Variants in SRGAP2B observed in about 807,000 individuals in gnomAD.
SRGAP2B encodes the protein SLIT-ROBO Rho GTPase activating protein 2B, also known as SLIT-ROBO Rho GTPase-activating protein 2B.
SRGAP2B carries 9 observed loss-of-function variants against 22.2 expected under a neutral mutation model. The ratio of observed to expected loss-of-function variants is 0.41; its 90% CI spans 0.24 to 0.71. SRGAP2B has a LOEUF of 0.71. Ranked by LOEUF, SRGAP2B falls within the 30% of genes least tolerant of loss-of-function variation. SRGAP2B has a pLI of 0.35. For synonymous variants in SRGAP2B, 36 were observed against 87.4 expected, an observed-to-expected ratio of 0.41 and a Z score of 3.28; for missense variants, 114 against 235.8, an observed-to-expected ratio of 0.48 and a Z score of 3.38.
chr1:144,927,544 C>CT (rs1664829972), intron 4 of SRGAP2B, among the ~76,000 whole-genome samples: 1 of 148,844 alleles, frequency 6.7e-6, no homozygotes, highest in Admixed American at 6.7e-5. Context: ...GATAATACGT[C>CT]TTTTTTACCT....
At chr1:144,932,591 T>C (rs1371107176) in intron 4 of SRGAP2B, among the ~76,000 whole-genome samples, 1 of 145,306 alleles carries the variant, frequency 6.9e-6, no homozygotes, top group African/African-American at 2.7e-5. Flanking sequence ...TAATTTTTAG[T>C]TAACCCTAAA....
intron 3 of SRGAP2B, among the ~76,000 whole-genome samples, chr1:144,976,127 G>T (rs868946514): frequency 1.4e-5 from 2 of 147,188 alleles, no homozygotes; most frequent in Admixed American, 6.7e-5. Flanking sequence ...TGATCGGCCC[G>T]CCTCGGCCTC....
At chr1:144,987,890 G>T (rs188201980) in intron 3 of SRGAP2B, among the ~76,000 whole-genome samples, 2,167 of 151,050 alleles carry the variant, frequency 0.014, 49 homozygotes, top group Middle Eastern at 0.055. Context: ...AGAAGTAGAG[G>T]TCTCATCACT....
chr1:145,075,809 C>T (rs1170861904), intron 2 of SRGAP2B, among the ~76,000 whole-genome samples: 1 of 148,458 alleles, frequency 6.7e-6, no homozygotes, highest in Non-Finnish European at 1.5e-5. Flanking sequence ...ACTCTGAGGC[C>T]GGGCACGGTG....
chr1:144,913,694 CA>C (rs1175938638), intron 5 of SRGAP2B, among the ~76,000 whole-genome samples: 1 of 103,234 alleles, frequency 9.7e-6, no homozygotes, highest in Non-Finnish European at 1.9e-5. Context: ...GGATCAGCAA[CA>C]TCTGATCCCA....
rs9439290 is a variant in SRGAP2B at position 144,970,022 on chromosome 1, A to C, written c.261-14421T>G. On this transcript the variant is annotated intron_variant, in intron 3 of 9. Transcript: ENST00000612199. ...ACAGGTGCTGGAGAGGATGTGGAGA[A>C]ATACAAACACTTTTACACTGTTGGT... Among the ~76,000 whole-genome samples, 640 of 150,396 alleles carry C rather than the reference A, an allele frequency of 4.3e-3. 38 individuals carry two copies. The highest frequency in any genetic ancestry group is 0.015 in the African/African-American group (621 of 40,072).
At chr1:145,012,124 T>C (rs2102244349) in intron 2 of SRGAP2B, among the ~76,000 whole-genome samples, 1 of 148,862 alleles carries the variant, frequency 6.7e-6, no homozygotes, top group African/African-American at 2.6e-5. Flanking sequence ...TGCTCTTACC[T>C]CATTTTAATT....
chr1:144,962,981 C>T lies in SRGAP2B; in HGVS notation c.261-7380G>A, dbSNP rs59929387. On this transcript the variant is annotated intron_variant, in intron 3 of 9. Coordinates refer to ENST00000612199, the Ensembl canonical transcript of SRGAP2B. ...CTCCTAAACTGTGCATCAGCCACAA[C>T]CCACATCTTATCCTGGTCTTGTGGC... 6.0e-5 allele frequency among the ~76,000 whole-genome samples: 9 copies of T among 151,066 alleles called. No homozygotes were observed. In the East Asian group the frequency reaches 1.6e-3, roughly 26 times the overall value.
chr1:144,962,132 G>A (rs1303031889), intron 3 of SRGAP2B, among the ~76,000 whole-genome samples: 4 of 102,062 alleles, frequency 3.9e-5, no homozygotes, highest in East Asian at 2.4e-4. Flanking sequence ...AGTGCCAAAG[G>A]CAAAAATAAT....
At chr1:144,945,231 CA>C (rs1241662630) in intron 4 of SRGAP2B, among the ~76,000 whole-genome samples, 2 of 146,396 alleles carry the variant, frequency 1.4e-5, no homozygotes, top group African/African-American at 5.2e-5. Context: ...AAATATTTGC[CA>C]AAAATTTTTC....
chr1:144,994,798 T>A (rs1475824537), intron 3 of SRGAP2B, among the ~76,000 whole-genome samples: 1 of 150,344 alleles, frequency 6.7e-6, no homozygotes, highest in Non-Finnish European at 1.5e-5. Flanking sequence ...GCTGTTATTA[T>A]TAGCATGGTT....
At chr1:145,022,785 T>C (rs1450216572) in intron 2 of SRGAP2B, among the ~76,000 whole-genome samples, 3 of 149,200 alleles carry the variant, frequency 2.0e-5, no homozygotes, top group African/African-American at 7.6e-5. Context: ...TGATGGCATT[T>C]TCACCTCACT....
chr1:145,076,505 C>T (rs1456647959), intron 2 of SRGAP2B, among the ~76,000 whole-genome samples: 1 of 150,148 alleles, frequency 6.7e-6, no homozygotes, highest in Non-Finnish European at 1.5e-5. Context: ...GCACAACAAC[C>T]TGAATGAGTC....
intron 3 of SRGAP2B, among the ~76,000 whole-genome samples, chr1:144,965,652 C>G (rs1258661046): frequency 7.9e-6 from 1 of 125,832 alleles, no homozygotes; most frequent in African/African-American, 3.8e-5. Context: ...ATGATTTTGA[C>G]GAGCTGAGAG....
At chr1:144,920,829 T>C (rs1553604241) in intron 4 of SRGAP2B, among the ~76,000 whole-genome samples, 1 of 150,658 alleles carries the variant, frequency 6.6e-6, no homozygotes, top group East Asian at 1.9e-4. Flanking sequence ...ATAAAGAAAA[T>C]AGTGGTTTAA....
intron 3 of SRGAP2B, among the ~76,000 whole-genome samples, chr1:144,975,667 A>G (rs1553614064): frequency 6.8e-6 from 1 of 148,122 alleles, no homozygotes; most frequent in Non-Finnish European, 1.5e-5. Context: ...GAGCCAAATA[A>G]GCTTCTTTTC....
rs1266433340 is a variant in SRGAP2B, at chr1:144,984,266, G to A, written c.260+10742C>T. 4.7e-5 allele frequency among the ~76,000 whole-genome samples: 7 copies of A among 149,298 alleles called. 1 individual carries two copies. The highest frequency in any genetic ancestry group is 1.8e-4 in the African/African-American group (7 of 39,468). ...ACCTGGGAGGCAGAGGATGCAGTGA[G>A]CTGAGATCGTGCCATTGCACTCCAG... On this transcript the variant is annotated intron_variant, in intron 3 of 9. Coordinates refer to ENST00000612199, the Ensembl canonical transcript of SRGAP2B.
At chr1:144,953,629 C>T (rs1433916114) in intron 4 of SRGAP2B, among the ~76,000 whole-genome samples, 1 of 151,962 alleles carries the variant, frequency 6.6e-6, no homozygotes, top group African/African-American at 2.4e-5. Flanking sequence ...TGCCATGTAC[C>T]TACCTTTGGT....
At chr1:144,910,214 A>C (rs1288464119) in intron 5 of SRGAP2B, among the ~76,000 whole-genome samples, 1 of 149,098 alleles carries the variant, frequency 6.7e-6, no homozygotes, top group African/African-American at 2.6e-5. Flanking sequence ...GTTCTTGGCA[A>C]TAAAGATTCA....
Sources: allele counts gnomAD v4.1 joint callset (sites outside exome capture counted in the v4.1 genomes callset), GRCh38; gene constraint gnomAD v4.1.1; transcripts MANE v1.5; gene names NCBI Gene and HGNC (gene_info 2026-07-23, HGNC 2026-07-21).